RALGAPA2: variants seen among roughly 807,000 people sequenced by gnomAD.
RALGAPA2 encodes the protein ral GTPase-activating protein subunit alpha-2.
Under a neutral mutation model 230.4 loss-of-function variants are expected in RALGAPA2, and 139 were observed. That is an observed-to-expected ratio of 0.60 (90% CI 0.53 to 0.69). The LOEUF (loss-of-function observed/expected upper bound fraction) is 0.69, where lower values mean the gene tolerates loss of function less well. Among genes scored for constraint, RALGAPA2 ranks in the 30% least tolerant of loss-of-function variants. RALGAPA2 has a pLI of 0.00. For missense variants in RALGAPA2, 2,163 were observed against 2,276.0 expected (o/e 0.95, Z 1.01); for synonymous variants, 847 against 837.8 (o/e 1.01, Z -0.19).
At chr20:20,438,714 C>A (rs1331633103) in intron 37 of RALGAPA2, among the ~76,000 whole-genome samples, 2 of 152,172 alleles carry the variant, frequency 1.3e-5, no homozygotes, top group Admixed American at 1.3e-4. Context: ...CAGGAAGACT[C>A]TCACATTTGA....
At position 20,646,307 on chromosome 20, in the gene RALGAPA2, A is replaced by G. The variant is rs116986000; in HGVS notation, c.329-2758T>C. 1.5e-3 allele frequency among the ~76,000 whole-genome samples: 234 copies of G among 152,318 alleles called. 1 individual carries two copies. The highest frequency in any genetic ancestry group is 2.9e-3 in the Non-Finnish European group (198 of 68,022). ...CCAAAGTCCTGGGATTACAGGTGTG[A>G]GCCAATGCGCCCAGCCCTCTGTAGG... On this transcript the variant is annotated intron_variant, in intron 4 of 39. Transcript: ENST00000202677.
intron 31 of RALGAPA2, 148 bp downstream of exon 31, chr20:20,520,769 G>A (rs1345007222): frequency 1.3e-5 from 7 of 559,558 alleles, no homozygotes; most frequent in African/African-American, 1.1e-4. Flanking sequence ...GAAGAAACAA[G>A]GAAGGCAGAA....
intron 27 of RALGAPA2, among the ~76,000 whole-genome samples, 198 bp from the exon 28 acceptor site, chr20:20,526,560 CCTCA>C (rs1295578836): frequency 1.3e-5 from 2 of 152,052 alleles, no homozygotes; most frequent in African/African-American, 4.8e-5. Context: ...TCTTCTCTAG[CCTCA>C]CTGTGTTAAT....
chr20:20,665,897 A>G (rs986779940), intron 3 of RALGAPA2, among the ~76,000 whole-genome samples: 1 of 152,240 alleles, frequency 6.6e-6, no homozygotes, highest in Non-Finnish European at 1.5e-5. Flanking sequence ...CAGGCAACAT[A>G]TGAGACCAGT....
At chr20:20,406,425 G>A (rs1569367578) in intron 38 of RALGAPA2, among the ~76,000 whole-genome samples, 1 of 152,310 alleles carries the variant, frequency 6.6e-6, no homozygotes, top group Non-Finnish European at 1.5e-5. Context: ...TCAGAATCAA[G>A]CCGGTTATGA....
intron 33 of RALGAPA2, among the ~76,000 whole-genome samples, chr20:20,507,430 C>A (rs1004893260): frequency 6.6e-6 from 1 of 152,210 alleles, no homozygotes; most frequent in East Asian, 1.9e-4. Flanking sequence ...GCAACCTCCA[C>A]CTCCTGTGTT....
At chr20:20,573,207 G>A in intron 20 of RALGAPA2, 139 bp from the exon 21 acceptor site, 1 of 759,216 alleles carries the variant, frequency 1.3e-6, no homozygotes, top group Non-Finnish European at 2.0e-6. Flanking sequence ...AATTTAAAAG[G>A]AGAGAAAAGC....
chr20:20,503,462 G>A lies in RALGAPA2; in HGVS notation c.5097C>T (p.Arg1699=). The change falls in exon 35 of 40, where the codon CGC becomes CGT. Residue 1699 remains arginine, a synonymous_variant. Transcript: ENST00000202677. ...THCGFMGGLQ[R]NGSTGQTAPY... The stretch of plus-strand genomic sequence containing the variant: ...GGGCCGTCTGCCCGGTGCTGCCATT[G>A]CGCTGAAGGCCACCCATGAACCCAC... The A allele has an allele frequency of 6.2e-7, 1 of 1,604,924 alleles. No individual in the cohort carries two copies. Among genetic ancestry groups the A allele is most frequent in the Non-Finnish European group, 8.5e-7 (1 of 1,176,004 alleles).
At chr20:20,518,185 A>G (rs1413545823) in intron 31 of RALGAPA2, among the ~76,000 whole-genome samples, 3 of 151,954 alleles carry the variant, frequency 2.0e-5, no homozygotes, top group African/African-American at 7.2e-5. Flanking sequence ...CCTCCTGAGT[A>G]GCTGGGACTA....
chr20:20,565,027 G>A (rs867229955), intron 23 of RALGAPA2, among the ~76,000 whole-genome samples: 2 of 151,922 alleles, frequency 1.3e-5, no homozygotes, highest in African/African-American at 2.4e-5. Context: ...TTTCATCCTC[G>A]GAACATCAGT....
intron 37 of RALGAPA2, among the ~76,000 whole-genome samples, chr20:20,442,876 C>T (rs921347193): frequency 6.6e-6 from 1 of 152,224 alleles, no homozygotes. Flanking sequence ...AATCTATGCA[C>T]GAACTGAACC....
At chr20:20,611,232 A>T (rs1010133692) in intron 14 of RALGAPA2, 83 bp downstream of exon 14, 41 of 1,460,310 alleles carry the variant, frequency 2.8e-5, no homozygotes, top group Non-Finnish European at 3.4e-5. Flanking sequence ...TATTATTTTT[A>T]AAATTCTCAA....
At chr20:20,556,029 T>A (rs1347730034) in intron 23 of RALGAPA2, among the ~76,000 whole-genome samples, 3 of 152,164 alleles carry the variant, frequency 2.0e-5, no homozygotes, top group Admixed American at 2.0e-4. Context: ...GCCTGTTATT[T>A]CTTTGGTGGG....
intron 26 of RALGAPA2, among the ~76,000 whole-genome samples, chr20:20,532,332 G>T (rs2063387131): frequency 6.6e-6 from 1 of 152,166 alleles, no homozygotes; most frequent in Non-Finnish European, 1.5e-5. Flanking sequence ...TTCACAGAAA[G>T]CCGACCATGC....
chr20:20,533,844 AAGTAGTAACT>A (rs1175710143), intron 26 of RALGAPA2, among the ~76,000 whole-genome samples: 2 of 152,182 alleles, frequency 1.3e-5, no homozygotes, highest in African/African-American at 4.8e-5. Flanking sequence ...AATTCAGACA[AAGTAGTAACT>A]AGCAATAAAA....
chr20:20,397,957 T>C (rs952254699), intron 38 of RALGAPA2, among the ~76,000 whole-genome samples: 11 of 152,210 alleles, frequency 7.2e-5, no homozygotes, highest in African/African-American at 9.7e-5. Context: ...GGTTGTGCTC[T>C]TTGGGCACAA....
At chr20:20,625,708 GACTC>G (rs760865354) in intron 10 of RALGAPA2, among the ~76,000 whole-genome samples, 4 of 151,936 alleles carry the variant, frequency 2.6e-5, no homozygotes, top group Non-Finnish European at 5.9e-5. Flanking sequence ...TACTAGTTTT[GACTC>G]ACTAAGTTGG....
chr20:20,660,922 A>G (rs1053655038), intron 3 of RALGAPA2, among the ~76,000 whole-genome samples: 4 of 152,150 alleles, frequency 2.6e-5, no homozygotes, highest in Non-Finnish European at 5.9e-5. Context: ...GTTGATCTTT[A>G]GGCAGAACCA....
intron 37 of RALGAPA2, among the ~76,000 whole-genome samples, chr20:20,416,851 T>C (rs1353888386): frequency 6.6e-6 from 1 of 152,200 alleles, no homozygotes; most frequent in African/African-American, 2.4e-5. Flanking sequence ...GCCTGAACCT[T>C]CTCTAAATTT....
Sources: gnomAD v4.1 joint callset for allele counts (sites outside exome capture counted in the v4.1 genomes callset) on GRCh38, gnomAD v4.1.1 for gene constraint, MANE v1.5 for transcripts, NCBI Gene and HGNC (gene_info 2026-07-23, HGNC 2026-07-21) for gene names.